Variants in SPOCK1 observed in about 807,000 individuals in gnomAD.
The protein encoded by SPOCK1 is testican-1.
Under a neutral mutation model 55.3 loss-of-function variants are expected in SPOCK1, and 23 were observed. That is an observed-to-expected ratio of 0.42 (90% CI 0.30 to 0.59). SPOCK1 has a LOEUF of 0.59. SPOCK1 is among the 20% of genes least tolerant of loss of function. The probability of loss-of-function intolerance (pLI) is 0.22; values close to 1 mark genes in which losing one functional copy is unlikely to be tolerated. For missense variants in SPOCK1, 499 were observed against 552.5 expected, an observed-to-expected ratio of 0.90 and a Z score of 0.97; for synonymous variants, 226 against 221.0, an observed-to-expected ratio of 1.02 and a Z score of -0.20.
chr5:137,136,779 T>C (rs1753993323), intron 4 of SPOCK1, among the ~76,000 whole-genome samples: 2 of 152,214 alleles, frequency 1.3e-5, no homozygotes, highest in South Asian at 4.1e-4. Flanking sequence ...CTGGCCCTTT[T>C]AGAGAACTTG....
At chr5:137,327,238 A>G (rs1159460679) in intron 2 of SPOCK1, among the ~76,000 whole-genome samples, 3 of 152,142 alleles carry the variant, frequency 2.0e-5, no homozygotes, top group Admixed American at 6.6e-5. Flanking sequence ...TAATCACCTA[A>G]AATGCTGCCT....
intron 2 of SPOCK1, among the ~76,000 whole-genome samples, chr5:137,394,725 C>G (rs559301954): frequency 2.2e-4 from 33 of 152,196 alleles, no homozygotes; most frequent in Middle Eastern, 6.8e-3. Flanking sequence ...AAAGCCAGCT[C>G]CAAGAGCCAG....
chr5:137,410,591 T>C (rs556988050), intron 2 of SPOCK1, among the ~76,000 whole-genome samples: 2 of 152,318 alleles, frequency 1.3e-5, no homozygotes, highest in African/African-American at 4.8e-5. Context: ...CCAGAAGATA[T>C]CCCTGCATTT....
intron 6 of SPOCK1, among the ~76,000 whole-genome samples, chr5:137,030,775 C>T (rs942877676): frequency 5.9e-5 from 9 of 152,150 alleles, no homozygotes; most frequent in Non-Finnish European, 1.0e-4. Flanking sequence ...TGTGGACAAA[C>T]GCCTATCTGT....
chr5:136,988,815 T>C, intron 7 of SPOCK1, 172 bp from the exon 8 acceptor site: 1 of 554,388 alleles, frequency 1.8e-6, no homozygotes, highest in Non-Finnish European at 3.0e-6. Flanking sequence ...TTGTGTTTTT[T>C]TGTTTTGTTT....
At chr5:137,439,604 T>C (rs1327251689) in intron 2 of SPOCK1, among the ~76,000 whole-genome samples, 1 of 151,066 alleles carries the variant, frequency 6.6e-6, no homozygotes, top group African/African-American at 2.4e-5. Flanking sequence ...ATACAGGAGG[T>C]TTAATAACTG....
At chr5:137,498,760 G>T (rs1754366590) in intron 1 of SPOCK1, among the ~76,000 whole-genome samples, 1 of 152,198 alleles carries the variant, frequency 6.6e-6, no homozygotes, top group Admixed American at 6.5e-5. Context: ...GAACGAGGAG[G>T]CTGCGTCACG....
intron 6 of SPOCK1, among the ~76,000 whole-genome samples, chr5:137,044,084 T>C (rs1316383321): frequency 1.3e-5 from 2 of 152,148 alleles, no homozygotes; most frequent in East Asian, 1.9e-4. Flanking sequence ...ATTAATGACT[T>C]TGGGATATAG....
intron 3 of SPOCK1, among the ~76,000 whole-genome samples, chr5:137,171,320 A>G (rs1754751233): frequency 6.6e-6 from 1 of 152,092 alleles, no homozygotes; most frequent in South Asian, 2.1e-4. Flanking sequence ...TTTCTCCCTG[A>G]TGGTGAGCTC....
At chr5:137,456,372 A>C (rs1753369710) in intron 2 of SPOCK1, among the ~76,000 whole-genome samples, 2 of 152,206 alleles carry the variant, frequency 1.3e-5, no homozygotes, top group Admixed American at 1.3e-4. Context: ...GTTTGTACAT[A>C]CTTTTAATAC....
intron 2 of SPOCK1, among the ~76,000 whole-genome samples, chr5:137,284,178 C>T (rs1220382152): frequency 6.6e-6 from 1 of 152,210 alleles, no homozygotes; most frequent in African/African-American, 2.4e-5. Flanking sequence ...CAAGAGCCAG[C>T]AGTCACATCT....
At chr5:137,085,413 G>A (rs550572585) in intron 5 of SPOCK1, among the ~76,000 whole-genome samples, 4 of 152,342 alleles carry the variant, frequency 2.6e-5, no homozygotes, top group African/African-American at 9.6e-5. Context: ...GCCCCAGTGA[G>A]ATGATCCCAC....
intron 5 of SPOCK1, among the ~76,000 whole-genome samples, chr5:137,107,253 G>A (rs1398671810): frequency 2.0e-5 from 3 of 152,102 alleles, no homozygotes; most frequent in African/African-American, 4.8e-5. Flanking sequence ...CACAGTGTAT[G>A]GTACAGAGTA....
rs990324417 is a variant in SPOCK1 at position 137,128,168 on chromosome 5, A to C, written c.347+12412T>G. Among the ~76,000 whole-genome samples the C allele has an allele frequency of 7.2e-5, 11 of 152,320 alleles. No individual in the cohort carries two copies. The East Asian group carries it at 1.5e-3, about 21-fold the overall frequency. On this transcript the variant is annotated intron_variant, in intron 4 of 10. Transcript: ENST00000394945. The stretch of plus-strand genomic sequence containing the variant: ...TGCTTCTGCCATGTGAAAACACAGC[A>C]AAAAGACAGCTGTCTATGAAACAGG...
chr5:137,324,971 A>G (rs1758051168), intron 2 of SPOCK1, among the ~76,000 whole-genome samples: 1 of 152,022 alleles, frequency 6.6e-6, no homozygotes, highest in Admixed American at 6.5e-5. Flanking sequence ...TGAAAAAAAA[A>G]AAAATGAGGG....
At chr5:137,097,382 A>G (rs9327772) in intron 5 of SPOCK1, among the ~76,000 whole-genome samples, 136,516 of 152,242 alleles carry the variant, frequency 0.9, 61,489 homozygotes, top group Non-Finnish European at 0.94. Flanking sequence ...TTAGTCTTCC[A>G]ACATAACCCT....
At chr5:137,396,562 C>T (rs1002660298) in intron 2 of SPOCK1, among the ~76,000 whole-genome samples, 2 of 152,190 alleles carry the variant, frequency 1.3e-5, no homozygotes, top group African/African-American at 4.8e-5. Context: ...ACTGGAGACG[C>T]CTGCCTAGTG....
chr5:137,018,606 CA>C (rs1751497950), intron 6 of SPOCK1, among the ~76,000 whole-genome samples: 1 of 152,108 alleles, frequency 6.6e-6, no homozygotes, highest in African/African-American at 2.4e-5. Flanking sequence ...CCCTTCCCCC[CA>C]TTAGTTAAAA....
At chr5:137,455,391 C>T (rs575053066) in intron 2 of SPOCK1, among the ~76,000 whole-genome samples, 56 of 152,166 alleles carry the variant, frequency 3.7e-4, no homozygotes, top group Non-Finnish European at 1.6e-4. Context: ...AGGCACCAGG[C>T]TGCCTGAATC....
Sources: allele counts gnomAD v4.1 joint callset (sites outside exome capture counted in the v4.1 genomes callset), GRCh38; gene constraint gnomAD v4.1.1; transcripts MANE v1.5; gene names NCBI Gene and HGNC (gene_info 2026-07-23, HGNC 2026-07-21).